PCDHGA1: variants seen among roughly 807,000 people sequenced by gnomAD.
PCDHGA1 encodes the protein protocadherin gamma subfamily A, 1.
Under a neutral mutation model 58.0 loss-of-function variants are expected in PCDHGA1, and 32 were observed. The observed-to-expected ratio is 0.55, with a 90% confidence interval of 0.42 to 0.74. The LOEUF is 0.74. Ranked by LOEUF, PCDHGA1 falls within the 30% of genes least tolerant of loss-of-function variation. The pLI is 0.00. For missense variants in PCDHGA1, 1,205 were observed against 1,182.3 expected (o/e 1.02, Z -0.28); for synonymous variants, 498 against 501.1 (o/e 0.99, Z 0.08).
intron 1 of PCDHGA1, among the ~76,000 whole-genome samples, chr5:141,494,463 C>G (rs1178793763): frequency 6.6e-6 from 1 of 152,154 alleles, no homozygotes; most frequent in Non-Finnish European, 1.5e-5. Context: ...TTGTCTGCAC[C>G]TCTTCCCCCA....
chr5:141,427,616 C>T (rs922511046), intron 1 of PCDHGA1: 1 of 693,880 alleles, frequency 1.4e-6, no homozygotes, highest in Non-Finnish European at 2.6e-6. Context: ...GTGAAGTCAA[C>T]GACAATGCTC....
chr5:141,380,249 A>G (rs758616884), intron 1 of PCDHGA1, among the ~76,000 whole-genome samples: 1 of 152,198 alleles, frequency 6.6e-6, no homozygotes, highest in African/African-American at 2.4e-5. Flanking sequence ...GCAATTGTCA[A>G]AGGGGAAGGA....
At chr5:141,505,239 G>A (rs2099844708) in intron 2 of PCDHGA1, 154 bp from the exon 3 acceptor site, 1 of 886,092 alleles carries the variant, frequency 1.1e-6, no homozygotes, top group Middle Eastern at 5.9e-4. Context: ...GCTTCTGAAG[G>A]ATTGTAGAAG....
intron 1 of PCDHGA1, chr5:141,417,979 G>C (rs2096202372): frequency 6.2e-7 from 1 of 1,613,752 alleles, no homozygotes; most frequent in Admixed American, 1.7e-5. Context: ...TTCCGGAGGA[G>C]CTGGCCAAGG....
intron 1 of PCDHGA1, chr5:141,441,667 A>C: frequency 3.7e-6 from 1 of 267,984 alleles, no homozygotes; most frequent in Non-Finnish European, 7.4e-6. Flanking sequence ...TTGAGCGCAC[A>C]GTGCGCCTTC....
At position 141,359,202 on chromosome 5, in the gene PCDHGA1, T is replaced by A. The variant is rs115467151; in HGVS notation, c.2421+26097T>A. Among the ~76,000 whole-genome samples the A allele has an allele frequency of 3.8e-3, 584 of 152,256 alleles. 6 individuals carry two copies. Among genetic ancestry groups the A allele is most frequent in the African/African-American group, 0.013 (556 of 41,546 alleles). ...AGAAAGCAGAAATAACAAGTGAATG[T>A]TGAGAGACAACTTACATCTGAGGAG... On this transcript the variant is annotated intron_variant, in intron 1 of 3. Transcript: ENST00000517417.
Position 141,332,261 on chromosome 5 carries a change from G to C in PCDHGA1, c.1577G>C (p.Arg526Pro). ...CGATCCTTCGACTATGAGCAGTTCC[G>C]GGACATGCAACTGAAAGTGATGGCG... ...ALRSFDYEQF[R>P]DMQLKVMARD... The change falls in exon 1 of 4, where the codon CGG becomes CCG. Residue 526 changes from arginine to proline, a missense_variant. Transcript: ENST00000517417. The surrounding 1 kb of genome is among the most constrained non-coding windows in gnomAD (Gnocchi z 4.6). The C allele has an allele frequency of 1.9e-6, 3 of 1,614,198 alleles. No homozygotes were observed. Among genetic ancestry groups the C allele is most frequent in the Non-Finnish European group, 1.7e-6 (2 of 1,180,040 alleles).
In PCDHGA1 at chr5:141,511,342, C is replaced by G. The variant is rs2099883728; in HGVS notation, c.*169C>G. The stretch of plus-strand genomic sequence containing the variant: ...AACAAGTGCCCAGTCAGCACCTACC[C>G]CTTCCCCCCCAGGGGGTTGAATATG... On this transcript the variant is annotated 3_prime_UTR_variant, in exon 4 of 4. Coordinates refer to ENST00000517417, the MANE Select transcript of PCDHGA1 (RefSeq NM_018912.3). 1 of 1,424,960 alleles carries G rather than the reference C, an allele frequency of 7.0e-7. No homozygotes were observed. Among genetic ancestry groups the G allele is most frequent in the Admixed American group, 2.6e-5 (1 of 38,556 alleles). 88.3% of individuals were successfully genotyped at this position (1,424,960 alleles called of 1,614,324 possible).
intron 1 of PCDHGA1, among the ~76,000 whole-genome samples, chr5:141,397,380 A>G (rs1469821900): frequency 1.7e-4 from 26 of 152,236 alleles, no homozygotes; most frequent in Non-Finnish European, 3.8e-4. Flanking sequence ...GGGGATTGGT[A>G]TAAAATTGCC....
At position 141,331,647 on chromosome 5, in the gene PCDHGA1, C is replaced by A. The variant is rs2149713249; in HGVS notation, c.963C>A (p.Ala321=). ...AAATGTATTCAATGGAAGTTCAAGCCCAGGATGGTGCGGGGCTCATGGCTA... is the reference window on the plus strand; with the variant it reads ...AAATGTATTCAATGGAAGTTCAAGCACAGGATGGTGCGGGGCTCATGGCTA... ...EYKMYSMEVQ[A]QDGAGLMAKV... Residue 321 remains alanine, a synonymous_variant, in exon 1 of 4, where the codon GCC becomes GCA. Transcript: ENST00000517417. 1 of 1,614,036 alleles carries A rather than the reference C, an allele frequency of 6.2e-7. No homozygotes were observed.
In PCDHGA1 at chr5:141,490,108, C is replaced by A; in HGVS notation, c.2422-4699C>A. The A allele has an allele frequency of 6.2e-7, 1 of 1,614,244 alleles. No homozygotes were observed. The highest frequency in any genetic ancestry group is 8.5e-7 in the Non-Finnish European group (1 of 1,180,034). On this transcript the variant is annotated intron_variant, in intron 1 of 3. Transcript: ENST00000517417. This position sits in a 1 kb window ranked among gnomAD's most constrained non-coding sequence, Gnocchi z 5.4. The stretch of plus-strand genomic sequence containing the variant: ...TGGAGACCACACATCTGAGGCAGTG[C>A]GGAACCTCTTTGGCCTAGACCCTAG...
chr5:141,338,468 GC>G (rs1229686307), intron 1 of PCDHGA1, among the ~76,000 whole-genome samples: 32 of 152,336 alleles, frequency 2.1e-4, no homozygotes, highest in African/African-American at 7.7e-4. Flanking sequence ...TGGAGCAAGG[GC>G]AGTGGTGGCA....
chr5:141,385,086 A>G, intron 1 of PCDHGA1: 1 of 1,614,206 alleles, frequency 6.2e-7, no homozygotes, highest in African/African-American at 1.3e-5. Context: ...AGGCTTCAGA[A>G]GGTGGCTTGG....
At chr5:141,375,504 T>G in intron 1 of PCDHGA1, 2 of 1,614,004 alleles carry the variant, frequency 1.2e-6, no homozygotes, top group Non-Finnish European at 1.7e-6. Flanking sequence ...ATCTTCTCTG[T>G]GAATGCACTG....
intron 1 of PCDHGA1, among the ~76,000 whole-genome samples, chr5:141,357,882 C>T (rs1001848409): frequency 1.3e-5 from 2 of 152,162 alleles, no homozygotes; most frequent in African/African-American, 2.4e-5. Flanking sequence ...TCTGAGCCAC[C>T]TCATTTCCTT....
chr5:141,371,913 G>A lies in PCDHGA1; in HGVS notation c.2421+38808G>A, dbSNP rs569737317. ...GCGGGAGCTGTCGTCCTACGTGTCC[G>A]TGAGCGCGCGGAGCGGGGTGGTGTT... is the stretch of plus-strand genomic sequence containing the variant. On this transcript the variant is annotated intron_variant, in intron 1 of 3. Transcript: ENST00000517417. 28 of 1,613,394 alleles carry A rather than the reference G, an allele frequency of 1.7e-5. No homozygotes were observed. The highest frequency in any genetic ancestry group is 1.6e-4 in the African/African-American group (12 of 75,086).
In PCDHGA1 at chr5:141,432,853, C is replaced by A. The variant is rs748301578; in HGVS notation, c.2422-61954C>A. 1.1e-5 allele frequency: 17 copies of A among 1,614,176 alleles called. No homozygotes were observed. Among genetic ancestry groups the A allele is most frequent in the East Asian group, 4.5e-5 (2 of 44,874 alleles). On this transcript the variant is annotated intron_variant, in intron 1 of 3. Transcript: ENST00000517417. The surrounding 1 kb of genome is among the most constrained non-coding windows in gnomAD (Gnocchi z 6.0). ...CTCTGTACCTGGTGGTAGCGGTGGC[C>A]GCGGTCTCCTGCGTCTTCCTGGCCT...
chr5:141,470,242 T>G (rs1301513342), intron 1 of PCDHGA1, among the ~76,000 whole-genome samples: 1 of 152,226 alleles, frequency 6.6e-6, no homozygotes, highest in African/African-American at 2.4e-5. Flanking sequence ...CCCTTGAATG[T>G]CCCACCTGTC....
chr5:141,497,540 C>CA (rs1491509812), intron 2 of PCDHGA1, among the ~76,000 whole-genome samples: 7 of 134,922 alleles, frequency 5.2e-5, no homozygotes, highest in Admixed American at 1.5e-4. Flanking sequence ...TGCAACAAAC[C>CA]TTTTTTTTTT....
Sources: gnomAD v4.1 joint callset for allele counts (sites outside exome capture counted in the v4.1 genomes callset) on GRCh38, gnomAD v4.1.1 for gene constraint, Gnocchi (gnomAD v3.1) non-coding constraint, MANE v1.5 for transcripts, NCBI Gene and HGNC (gene_info 2026-07-23, HGNC 2026-07-21) for gene names.